The following ATP12A variants were observed in gnomAD, a reference collection of about 807,000 sequenced individuals.
ATP12A encodes the protein ATPase H+/K+ transporting non-gastric alpha2 subunit.
A neutral mutation model predicts 111.2 loss-of-function variants in ATP12A; 81 were observed. The observed-to-expected ratio is 0.73, with a 90% CI of 0.61 to 0.88. ATP12A has a LOEUF of 0.88. Among genes scored for constraint, ATP12A ranks in the 40% least tolerant of loss-of-function variants. ATP12A has a pLI of 0.00. For missense variants in ATP12A, 1,196 were observed against 1,313.1 expected, an observed-to-expected ratio of 0.91 and a Z score of 1.38; for synonymous variants, 498 against 499.8, an observed-to-expected ratio of 1.00 and a Z score of 0.05.
intron 14 of ATP12A, among the ~76,000 whole-genome samples, 188 bp from the exon 15 acceptor site, chr13:24,706,125 C>T (rs1875621641): frequency 6.6e-6 from 1 of 152,222 alleles, no homozygotes; most frequent in East Asian, 1.9e-4. Flanking sequence ...ATTTTAGCCT[C>T]AGTTTGCCCT....
At position 24,681,582 on chromosome 13, in the gene ATP12A, C is replaced by T; in HGVS notation, c.30C>T (p.Ser10=). ...TTCAGAAAACCCCAGAAATTTACTC[C>T]GTGGAGCTCAGCGGAACTAAGGACA... MHQKTPEIY[S]VELSGTKDIV... Residue 10 remains serine, a synonymous_variant, in exon 2 of 23, where the codon TCC becomes TCT. Transcript: ENST00000381946. 11 of 1,613,454 alleles carry T rather than the reference C, an allele frequency of 6.8e-6. No homozygotes were observed. The highest frequency in any genetic ancestry group is 6.8e-6 in the Non-Finnish European group (8 of 1,179,880).
chr13:24,680,846 A>G, intron 1 of ATP12A, 94 bp downstream of exon 1: 5 of 1,402,110 alleles, frequency 3.6e-6, no homozygotes, highest in Non-Finnish European at 3.7e-6. Context: ...GAAAAGGCGA[A>G]GAGGAGAAAC....
Position 24,707,164 on chromosome 13 carries a change from G to A in ATP12A, c.2311G>A (p.Ala771Thr), listed in dbSNP as rs750121465. ...ADMVLLDDNF[A>T]SIVTGVEEGR... is the part of the protein sequence containing the mutation. ...CATGGTCTTGCTGGACGACAACTTC[G>A]CATCCATCGTCACAGGGGTGGAGGA... Residue 771 changes from alanine to threonine, a missense_variant, in exon 16 of 23, where the codon GCA becomes ACA. Ala to Thr is a moderately conservative substitution (Grantham distance 58). Around this residue, in one of 3 missense-constraint regions of ATP12A, gnomAD observed 1,126 missense variants for 1,228.5 expected, o/e 0.92. Coordinates refer to ENST00000381946, the MANE Select transcript of ATP12A (RefSeq NM_001676.7). The A allele has an allele frequency of 2.5e-5, 40 of 1,613,876 alleles. No homozygotes were observed. Among genetic ancestry groups the A allele is most frequent in the Non-Finnish European group, 3.2e-5 (38 of 1,179,914 alleles).
At chr13:24,699,483 G>C (rs1275384347) in intron 12 of ATP12A, among the ~76,000 whole-genome samples, 16 of 152,200 alleles carry the variant, frequency 1.1e-4, no homozygotes. Context: ...CAGGCAAAAG[G>C]GATGGGAATT....
intron 11 of ATP12A, among the ~76,000 whole-genome samples, chr13:24,697,925 CTTA>C (rs1276920725): frequency 1.3e-5 from 2 of 152,256 alleles, no homozygotes; most frequent in African/African-American, 2.4e-5. Flanking sequence ...TTCTTTGCAA[CTTA>C]TTTTCTCCCA....
At position 24,698,616 on chromosome 13, in the gene ATP12A, T is replaced by C. The variant is rs770278600; in HGVS notation, c.1513-42T>C. 108 of 1,590,896 alleles carry C rather than the reference T, an allele frequency of 6.8e-5. 1 individual carries two copies. The South Asian group carries it at 1.2e-3, about 17-fold the overall frequency. On this transcript the variant is annotated intron_variant, in intron 11 of 22. Transcript: ENST00000381946. ...ACCAGTAGAGAAGAAGGAATGCGTTTCACCTTTCTGTAAGTAACACGCTCA... is the reference window on the plus strand; with the variant it reads ...ACCAGTAGAGAAGAAGGAATGCGTTCCACCTTTCTGTAAGTAACACGCTCA...
At position 24,688,426 on chromosome 13, in the gene ATP12A, G is replaced by T. The variant is rs774955395; in HGVS notation, c.336G>T (p.Val112=). ...TCGTCAAGTTCCTCAAGCAGATGGT[G>T]GGGGGGTTCTCTATCCTCCTGTGGG... ...PEIVKFLKQM[V]GGFSILLWVG... Residue 112 remains valine, a synonymous_variant, in exon 4 of 23, where the codon GTG becomes GTT. Transcript: ENST00000381946. The T allele has an allele frequency of 3.3e-5, 53 of 1,613,834 alleles. 2 individuals carry two copies. The South Asian group carries it at 4.8e-4, about 15-fold the overall frequency.
At chr13:24,709,661 C>A (rs1409740171) in intron 18 of ATP12A, 22 bp from the exon 19 acceptor site, 1 of 1,612,680 alleles carries the variant, frequency 6.2e-7, no homozygotes, top group Admixed American at 1.7e-5. Flanking sequence ...GAACCTGTGT[C>A]CTATCTCTCT....
At chr13:24,700,686 T>C (rs1332161138) in intron 12 of ATP12A, 61 bp from the exon 13 acceptor site, 22 of 1,520,614 alleles carry the variant, frequency 1.4e-5, no homozygotes, top group Non-Finnish European at 1.8e-5. Context: ...CATGTTCTCC[T>C]CTTATTTTTT....
intron 2 of ATP12A, among the ~76,000 whole-genome samples, chr13:24,681,931 GTAGTGTGT>G (rs1874454615): frequency 6.9e-6 from 1 of 145,140 alleles, no homozygotes. Context: ...GTGTGTCTGT[GTAGTGTGT>G]GGTGTGTGTG....
intron 3 of ATP12A, among the ~76,000 whole-genome samples, chr13:24,686,602 G>A (rs1168177014): frequency 6.6e-6 from 1 of 152,188 alleles, no homozygotes; most frequent in African/African-American, 2.4e-5. Flanking sequence ...AGTCGGGCAC[G>A]GTGGCGGGCG....
intron 8 of ATP12A, 135 bp from the exon 9 acceptor site, chr13:24,692,294 C>CA: frequency 5.4e-6 from 5 of 926,082 alleles, no homozygotes; most frequent in Non-Finnish European, 8.0e-6. Context: ...GCTGCGCTGA[C>CA]AACCACACCT....
At chr13:24,699,060 G>A (rs1051731288) in intron 12 of ATP12A, among the ~76,000 whole-genome samples, 1 of 152,206 alleles carries the variant, frequency 6.6e-6, no homozygotes, top group Non-Finnish European at 1.5e-5. Flanking sequence ...GCTCAGGGAA[G>A]ACTTTATGGA....
At chr13:24,703,338 G>A (rs527324989) in intron 14 of ATP12A, among the ~76,000 whole-genome samples, 84 of 152,276 alleles carry the variant, frequency 5.5e-4, no homozygotes, top group African/African-American at 2.0e-3. Flanking sequence ...CACCTCCTGG[G>A]TTCAAGCGAT....
At chr13:24,691,279 C>A (rs762415807) in intron 8 of ATP12A, 29 bp downstream of exon 8, 2 of 1,587,966 alleles carry the variant, frequency 1.3e-6, no homozygotes, top group East Asian at 2.2e-5. Flanking sequence ...ACAGCCTGCA[C>A]CTGGCCCTGT....
chr13:24,711,308 T>A lies in ATP12A; in HGVS notation c.3000-10T>A, dbSNP rs1593146263. On this transcript the variant is annotated splice_polypyrimidine_tract_variant and intron_variant, in intron 21 of 22. Coordinates refer to ENST00000381946, the MANE Select transcript of ATP12A (RefSeq NM_001676.7). ...GAGTCAGGGTTCACTTTCCATCCCTTTGCTTCCAGGGCTCAGTACTGGTTT... is the reference window on the plus strand; with the variant it reads ...GAGTCAGGGTTCACTTTCCATCCCTATGCTTCCAGGGCTCAGTACTGGTTT... 1 of 1,589,348 alleles carries A rather than the reference T, an allele frequency of 6.3e-7. No individual in the cohort carries two copies. Among genetic ancestry groups the A allele is most frequent in the Admixed American group, 1.8e-5 (1 of 57,110 alleles).
chr13:24,696,461 C>CT (rs1400568721), intron 11 of ATP12A, among the ~76,000 whole-genome samples: 2 of 70,774 alleles, frequency 2.8e-5, no homozygotes, highest in African/African-American at 9.9e-5. Context: ...AATCCCAGCA[C>CT]TTTGGGAGGC....
In ATP12A at chr13:24,694,457, G is replaced by C; in HGVS notation, c.1391G>C (p.Gly464Ala). 1 of 1,613,150 alleles carries C rather than the reference G, an allele frequency of 6.2e-7. No homozygotes were observed. The highest frequency in any genetic ancestry group is 8.5e-7 in the Non-Finnish European group (1 of 1,179,830). Residue 464 changes from glycine to alanine, a missense_variant, in exon 11 of 23, where the codon GGA becomes GCA. Physicochemically the swap from Gly to Ala is moderately conservative, Grantham distance 60. Transcript: ENST00000381946. ...TTTGATTCCCAGAAAGCTGTGATTG[G>C]AGATGCCTCAGAAACTGCTCTTTTA... ...NVPIMKKAVI[G>A]DASETALLKF...
At position 24,706,431 on chromosome 13, in the gene ATP12A, A is replaced by G; in HGVS notation, c.2137A>G (p.Lys713Glu). ...CTTTGCCCGGACATCCCCCCAGCAG[A>G]AGCTGATCATTGTGGAGGGCTGTCA... ...IVFARTSPQQ[K>E]LIIVEGCQRQ... The change falls in exon 15 of 23, where the codon AAG becomes GAG. Residue 713 changes from lysine to glutamate, a missense_variant. Lys to Glu is a moderately conservative substitution (Grantham distance 56). This residue lies in a region of ATP12A where 1,126 missense variants were observed against 1,228.5 expected (regional missense o/e 0.92). Coordinates refer to ENST00000381946, the MANE Select transcript of ATP12A (RefSeq NM_001676.7). 6.2e-7 allele frequency: 1 copy of G among 1,614,166 alleles called. No individual in the cohort carries two copies. Among genetic ancestry groups the G allele is most frequent in the Admixed American group, 1.7e-5 (1 of 60,022 alleles).
Sources: gnomAD v4.1 joint callset for allele counts (sites outside exome capture counted in the v4.1 genomes callset) on GRCh38, gnomAD v4.1.1 for gene constraint, gnomAD v4.1.1 regional missense constraint, MANE v1.5 for transcripts, NCBI Gene and HGNC (gene_info 2026-07-23, HGNC 2026-07-21) for gene names.